The following KIF5B variants were observed in gnomAD, a reference collection of about 807,000 sequenced individuals.
KIF5B encodes kinesin family member 5B.
In KIF5B, 49 loss-of-function variants were observed where a neutral mutation model predicts 132.8. The observed-to-expected ratio is 0.37, with a 90% CI of 0.29 to 0.47. KIF5B has a LOEUF of 0.47. Ranked by LOEUF, KIF5B falls within the 20% of genes least tolerant of loss-of-function variation. The pLI, the probability that KIF5B is intolerant of heterozygous loss-of-function variation, is 1.00. For missense variants in KIF5B, 780 were observed against 1,144.0 expected, an observed-to-expected ratio of 0.68 and a Z score of 4.59; for synonymous variants, 355 against 369.4, an observed-to-expected ratio of 0.96 and a Z score of 0.45.
At chr10:32,044,358 T>C (rs138779392) in intron 2 of KIF5B, among the ~76,000 whole-genome samples, 173 of 151,408 alleles carry the variant, frequency 1.1e-3, no homozygotes, top group African/African-American at 4.1e-3. Context: ...CTGATTGAAT[T>C]AATAATGTCC....
intron 20 of KIF5B, among the ~76,000 whole-genome samples, chr10:32,018,930 A>G (rs1841220342): frequency 6.6e-6 from 1 of 152,130 alleles, no homozygotes; most frequent in East Asian, 1.9e-4. Context: ...CACTGGGCTC[A>G]ACTGATTCTC....
At chr10:32,033,395 A>C (rs1297373122) in intron 12 of KIF5B, among the ~76,000 whole-genome samples, 2 of 152,246 alleles carry the variant, frequency 1.3e-5, no homozygotes, top group Admixed American at 1.3e-4. Context: ...GATCAGCAGC[A>C]TTAGAATATC....
At chr10:32,049,477 T>C (rs767022277) in intron 1 of KIF5B, among the ~76,000 whole-genome samples, 10 of 152,114 alleles carry the variant, frequency 6.6e-5, no homozygotes, top group Non-Finnish European at 1.3e-4. Flanking sequence ...TGTAGGAAAG[T>C]AGTCTAGGCA....
Position 32,016,751 on chromosome 10 carries a change from G to C in KIF5B, c.2761+392C>G, listed in dbSNP as rs111883131. Among the ~76,000 whole-genome samples the C allele has an allele frequency of 4.2e-3, 635 of 152,206 alleles. 1 individual carries two copies. Among genetic ancestry groups the C allele is most frequent in the African/African-American group, 0.015 (616 of 41,550 alleles). On this transcript the variant is annotated intron_variant, in intron 24 of 25. Transcript: ENST00000302418. Reference sequence around the variant, plus strand: ...GACAGGGTTTCACCATGTTAGGCTGGTCTCGAACTTCTGACCTCAGGTGAT... The same window carrying C: ...GACAGGGTTTCACCATGTTAGGCTGCTCTCGAACTTCTGACCTCAGGTGAT...
At chr10:32,017,771 G>C (rs947116997) in intron 23 of KIF5B, among the ~76,000 whole-genome samples, 2 of 152,162 alleles carry the variant, frequency 1.3e-5, no homozygotes, top group Non-Finnish European at 2.9e-5. Flanking sequence ...TTGTGTAGTA[G>C]AGATTTCAAA....
At chr10:32,019,209 A>C (rs891460434) in intron 20 of KIF5B, among the ~76,000 whole-genome samples, 1 of 152,228 alleles carries the variant, frequency 6.6e-6, no homozygotes, top group Admixed American at 6.5e-5. Context: ...AAAGACTAAA[A>C]TATTTTACAT....
intron 4 of KIF5B, 73 bp downstream of exon 4, chr10:32,039,254 C>T (rs971003464): frequency 7.4e-5 from 45 of 611,300 alleles, no homozygotes; most frequent in African/African-American, 6.0e-4. Flanking sequence ...ATTAAAGAAA[C>T]CAGCATTTAC....
intron 8 of KIF5B, among the ~76,000 whole-genome samples, 161 bp downstream of exon 8, chr10:32,037,093 G>A (rs926755744): frequency 1.3e-5 from 2 of 152,154 alleles, no homozygotes; most frequent in Non-Finnish European, 2.9e-5. Flanking sequence ...TGATTATTCA[G>A]CTGATATCAT....
chr10:32,047,399 CTT>C (rs1841626240), intron 2 of KIF5B, among the ~76,000 whole-genome samples: 1 of 152,280 alleles, frequency 6.6e-6, no homozygotes, highest in Admixed American at 6.5e-5. Flanking sequence ...CCACTTCCCT[CTT>C]TTGTACTCAC....
chr10:32,053,142 G>A (rs775983509), intron 1 of KIF5B, among the ~76,000 whole-genome samples: 4 of 152,084 alleles, frequency 2.6e-5, no homozygotes, highest in Admixed American at 6.5e-5. Context: ...CTCCTAAACT[G>A]TTCATTATGA....
rs1841185598 is a variant in KIF5B, at chr10:32,017,309, C to T, written c.2595G>A (p.Lys865=). ...CTCTCTCAGCTGTAGCTCGAAGTCG[C>T]TTTTCCAACTTAGGAAGTTCACAGC... ...DLRCELPKLE[K]RLRATAERVK... The change falls in exon 24 of 26, where the codon AAG becomes AAA. Residue 865 remains lysine, a synonymous_variant. Coordinates refer to ENST00000302418, the MANE Select transcript of KIF5B (RefSeq NM_004521.3). 6.2e-7 allele frequency: 1 copy of T among 1,614,052 alleles called. No individual in the cohort carries two copies. Among genetic ancestry groups the T allele is most frequent in the South Asian group, 1.1e-5 (1 of 91,084 alleles).
chr10:32,023,956 T>C (rs1564464470), intron 15 of KIF5B, among the ~76,000 whole-genome samples: 1 of 147,936 alleles, frequency 6.8e-6, no homozygotes, highest in Non-Finnish European at 1.5e-5. Flanking sequence ...AGTTTTTAAA[T>C]ACAATACCAA....
intron 15 of KIF5B, among the ~76,000 whole-genome samples, chr10:32,023,617 T>C (rs1471193379): frequency 2.6e-5 from 4 of 152,190 alleles, no homozygotes; most frequent in African/African-American, 9.7e-5. Context: ...CTTGACACTA[T>C]GCAACTTACT....
intron 1 of KIF5B, among the ~76,000 whole-genome samples, chr10:32,053,333 T>G (rs1454547689): frequency 2.0e-5 from 3 of 151,918 alleles, no homozygotes; most frequent in Non-Finnish European, 2.9e-5. Context: ...TGCAAGAAAC[T>G]AGTTTCTGAA....
chr10:32,021,617 G>A (rs569349927), intron 17 of KIF5B, among the ~76,000 whole-genome samples: 7 of 150,594 alleles, frequency 4.6e-5, no homozygotes, highest in Admixed American at 2.7e-4. Flanking sequence ...ACCCCGCTTC[G>A]TAACTGTGGG....
At chr10:32,041,430 C>T (rs1325445100) in intron 2 of KIF5B, among the ~76,000 whole-genome samples, 1 of 151,826 alleles carries the variant, frequency 6.6e-6, no homozygotes, top group Non-Finnish European at 1.5e-5. Context: ...AATGTCATTA[C>T]ATCTACACTC....
At chr10:32,015,755 A>T in intron 24 of KIF5B, 96 bp from the exon 25 acceptor site, 1 of 1,052,626 alleles carries the variant, frequency 9.5e-7, no homozygotes. Flanking sequence ...CAAATTCCCA[A>T]ATGTTTTGTT....
rs1188291369 is a variant in KIF5B, at chr10:32,010,560, A to T, written c.*977T>A. ...ATTTTTCTCAATTTCCACACGCTAT[A>T]AATTTAGGTCGGCCAATAAAGTACT... On this transcript the variant is annotated 3_prime_UTR_variant, in exon 26 of 26. Coordinates refer to ENST00000302418, the MANE Select transcript of KIF5B (RefSeq NM_004521.3). 1 of 152,148 alleles carries T rather than the reference A, an allele frequency of 6.6e-6. No individual in the cohort carries two copies. Among genetic ancestry groups the T allele is most frequent in the Non-Finnish European group, 1.5e-5 (1 of 68,002 alleles). 9.4% of individuals were successfully genotyped at this position (152,148 alleles called of 1,614,324 possible). A position where few individuals can be genotyped will look rare whatever the true frequency, so the allele number is the denominator to read the frequency against.
chr10:32,019,917 T>C lies in KIF5B; in HGVS notation c.2247A>G (p.Val749=), dbSNP rs1841235257. Residue 749 remains valine, a synonymous_variant, in exon 20 of 26, where the codon GTA becomes GTG. Coordinates refer to ENST00000302418, the MANE Select transcript of KIF5B (RefSeq NM_004521.3). ...KMMLEQERLR[V]EHEKLKATDQ... ...CTGTGGCTTTCAACTTCTCATGTTC[T>C]ACTCTTAGACGTTCCTGCTCTAACA... 6.2e-7 allele frequency: 1 copy of C among 1,612,886 alleles called. No homozygotes were observed. The highest frequency in any genetic ancestry group is 8.5e-7 in the Non-Finnish European group (1 of 1,179,640).
Sources: gnomAD v4.1 joint callset for allele counts (sites outside exome capture counted in the v4.1 genomes callset) on GRCh38, gnomAD v4.1.1 for gene constraint, MANE v1.5 for transcripts, NCBI Gene and HGNC (gene_info 2026-07-23, HGNC 2026-07-21) for gene names.